TENM2: variants seen among roughly 807,000 people sequenced by gnomAD.
The protein encoded by TENM2 is teneurin transmembrane protein 2, also known as teneurin-2.
Under a neutral mutation model 245.2 loss-of-function variants are expected in TENM2, and 52 were observed. The observed-to-expected ratio is 0.21, with a 90% CI of 0.17 to 0.27. The LOEUF is 0.27. TENM2 is among the 10% of genes least tolerant of loss of function. TENM2 has a pLI of 1.00. For synonymous variants in TENM2, 1,363 were observed against 1,438.9 expected (o/e 0.95, Z 1.19); for missense variants, 3,046 against 3,666.8 (o/e 0.83, Z 4.37).
At chr5:168,062,743 A>C (rs886633127) in intron 7 of TENM2, among the ~76,000 whole-genome samples, 3 of 152,222 alleles carry the variant, frequency 2.0e-5, no homozygotes, top group African/African-American at 7.2e-5. Context: ...CTTTAAAAAC[A>C]CTATGCAAAG....
rs562711803 is a variant in TENM2, at chr5:167,560,346, T to C, written c.502+184873T>C. Among the ~76,000 whole-genome samples, 11 of 144,918 alleles carry C rather than the reference T, an allele frequency of 7.6e-5. No individual in the cohort carries two copies. The South Asian group carries it at 2.5e-3, about 33-fold the overall frequency. On this transcript the variant is annotated intron_variant, in intron 2 of 28. Coordinates refer to ENST00000518659, the Ensembl canonical transcript of TENM2. Reference sequence around the variant, plus strand: ...ATACTCTTCATTTTGCATGCGACAGTTGAGGGCAAGCATCGCCTTATTTTT... The same window carrying C: ...ATACTCTTCATTTTGCATGCGACAGCTGAGGGCAAGCATCGCCTTATTTTT...
intron 13 of TENM2, chr5:168,165,171 TTC>T (rs2152456892): frequency 6.6e-6 from 1 of 152,348 alleles, no homozygotes; most frequent in African/African-American, 2.4e-5. Flanking sequence ...TTCATTCATT[TTC>T]TCTTTCCTGA....
intron 2 of TENM2, among the ~76,000 whole-genome samples, chr5:167,696,065 A>G (rs904258404): frequency 2.6e-5 from 4 of 151,006 alleles, no homozygotes; most frequent in Non-Finnish European, 5.9e-5. Flanking sequence ...AAAAACAACA[A>G]CAACAATTGA....
intron 2 of TENM2, among the ~76,000 whole-genome samples, chr5:167,875,348 A>G (rs759622185): frequency 6.6e-6 from 1 of 152,186 alleles, no homozygotes; most frequent in Non-Finnish European, 1.5e-5. Flanking sequence ...TGTTCAAACA[A>G]CAGAAATAAA....
intron 3 of TENM2, among the ~76,000 whole-genome samples, chr5:167,904,871 G>A (rs1263756791): frequency 6.6e-6 from 1 of 152,180 alleles, no homozygotes; most frequent in East Asian, 1.9e-4. Context: ...GGGCAAAAGG[G>A]ACAGTTGGTC....
At chr5:167,712,168 C>G (rs754684187) in intron 2 of TENM2, among the ~76,000 whole-genome samples, 1 of 152,094 alleles carries the variant, frequency 6.6e-6, no homozygotes, top group South Asian at 2.1e-4. Flanking sequence ...ACTTCCATTT[C>G]TAAAGCCTTA....
At chr5:167,411,600 GTGTGTGTGTA>G in intron 2 of TENM2, among the ~76,000 whole-genome samples, 1 of 151,168 alleles carries the variant, frequency 6.6e-6, no homozygotes, top group Non-Finnish European at 1.5e-5. Context: ...GTGTGTGTGT[GTGTGTGTGTA>G]TGTATGTGAG....
At chr5:167,976,861 C>A (rs963510972) in intron 4 of TENM2, among the ~76,000 whole-genome samples, 95 of 152,164 alleles carry the variant, frequency 6.2e-4, no homozygotes, top group African/African-American at 2.2e-3. Flanking sequence ...TGTAAAGATG[C>A]GTGCATGTGT....
intron 2 of TENM2, among the ~76,000 whole-genome samples, chr5:167,824,829 G>T (rs567670857): frequency 1.3e-5 from 2 of 152,134 alleles, no homozygotes; most frequent in Non-Finnish European, 1.5e-5. Flanking sequence ...CTAATTCAAC[G>T]TTTCAAAAAA....
At chr5:167,635,909 A>G (rs279390) in intron 2 of TENM2, among the ~76,000 whole-genome samples, 117,388 of 148,154 alleles carry the variant, frequency 0.79, 46,551 homozygotes, top group Middle Eastern at 0.88. Context: ...CTCCCAAAGC[A>G]CTGGGATTAC....
chr5:168,073,906 T>C (rs1468879074), intron 7 of TENM2, among the ~76,000 whole-genome samples: 1 of 152,208 alleles, frequency 6.6e-6, no homozygotes, highest in Non-Finnish European at 1.5e-5. Context: ...ATATGCGACA[T>C]GCCAAGGGGC....
At chr5:167,527,794 T>G in intron 2 of TENM2, among the ~76,000 whole-genome samples, 1 of 152,126 alleles carries the variant, frequency 6.6e-6, no homozygotes, top group East Asian at 1.9e-4. Flanking sequence ...GGATGAAGGT[T>G]TAATCATCCA....
At chr5:167,067,413 G>A in the TENM2 span, among the ~76,000 whole-genome samples, 39 of 152,232 alleles carry the variant, frequency 2.6e-4, no homozygotes, top group South Asian at 7.5e-3. Context: ...CTTTAAGATA[G>A]AAGCCACGTA....
At chr5:167,482,658 C>A (rs887464585) in intron 2 of TENM2, among the ~76,000 whole-genome samples, 1 of 152,136 alleles carries the variant, frequency 6.6e-6, no homozygotes, top group African/African-American at 2.4e-5. Context: ...CTTATGACAG[C>A]CTAATCGTAC....
intron 7 of TENM2, among the ~76,000 whole-genome samples, chr5:168,076,126 T>A (rs899738382): frequency 5.3e-5 from 8 of 152,230 alleles, no homozygotes; most frequent in Non-Finnish European, 4.4e-5. Context: ...ACAATGCGTG[T>A]GACCATTCAC....
chr5:167,861,212 C>T (rs917291481), intron 2 of TENM2, among the ~76,000 whole-genome samples: 1 of 152,136 alleles, frequency 6.6e-6, no homozygotes, highest in Non-Finnish European at 1.5e-5. Flanking sequence ...ATTTTCTCAT[C>T]TAATGCAAAA....
At chr5:167,076,401 C>T in the TENM2 span, among the ~76,000 whole-genome samples, 30 of 152,106 alleles carry the variant, frequency 2.0e-4, no homozygotes, top group African/African-American at 7.2e-4. Context: ...TTAAAGATTG[C>T]CTTTGATAAG....
intron 2 of TENM2, among the ~76,000 whole-genome samples, chr5:167,809,302 C>T (rs1325767019): frequency 6.6e-6 from 1 of 152,124 alleles, no homozygotes; most frequent in Non-Finnish European, 1.5e-5. Flanking sequence ...AATACAGTGA[C>T]CTGTTTAAAT....
At chr5:167,665,216 GA>G (rs1469760345) in intron 2 of TENM2, among the ~76,000 whole-genome samples, 1 of 152,054 alleles carries the variant, frequency 6.6e-6, no homozygotes, top group African/African-American at 2.4e-5. Context: ...AGGTTACTGG[GA>G]AAAATGAATA....
Sources: allele counts gnomAD v4.1 joint callset (sites outside exome capture counted in the v4.1 genomes callset), GRCh38; gene constraint gnomAD v4.1.1; transcripts MANE v1.5; gene names NCBI Gene and HGNC (gene_info 2026-07-23, HGNC 2026-07-21).